RABEP2: variants seen among roughly 807,000 people sequenced by gnomAD.
RABEP2 encodes rabaptin, RAB GTPase binding effector protein 2, also known as rab GTPase-binding effector protein 2.
A neutral mutation model predicts 74.1 loss-of-function variants in RABEP2; 57 were observed. The observed-to-expected ratio is 0.77, with a 90% CI of 0.62 to 0.96. The LOEUF (loss-of-function observed/expected upper bound fraction) is 0.96. Among genes scored for constraint, RABEP2 ranks in the 40% least tolerant of loss-of-function variants. The pLI is 0.00. For missense variants in RABEP2, 692 were observed against 756.3 expected, an observed-to-expected ratio of 0.91 and a Z score of 1.00; for synonymous variants, 351 against 344.0, an observed-to-expected ratio of 1.02 and a Z score of -0.23.
intron 10 of RABEP2, 48 bp downstream of exon 10, chr16:28,905,819 C>G (rs1425345318): frequency 1.9e-6 from 3 of 1,613,848 alleles, no homozygotes; most frequent in Non-Finnish European, 2.5e-6. Context: ...CCCCACCTAG[C>G]CCAGCCAGGG....
chr16:28,918,526 A>G (rs1222857341), intron 3 of RABEP2, among the ~76,000 whole-genome samples: 1 of 151,898 alleles, frequency 6.6e-6, no homozygotes, highest in Non-Finnish European at 1.5e-5. Context: ...GAGGCAGGAG[A>G]ATCACTTGAA....
Position 28,924,649 on chromosome 16 carries a change from C to T in RABEP2, c.62-34G>A, listed in dbSNP as rs779197481. 5 of 1,583,916 alleles carry T rather than the reference C, an allele frequency of 3.2e-6. No homozygotes were observed. The East Asian group carries it at 1.1e-4, about 35-fold the overall frequency. The stretch of plus-strand genomic sequence containing the variant: ...GACAGGGATCAGCCTCTCTTCCCAT[C>T]TCTTACCCCAGGCCACCTACCGGCT... On this transcript the variant is annotated intron_variant, in intron 1 of 12. Transcript: ENST00000358201.
At chr16:28,908,183 C>T (rs1476690359) in intron 8 of RABEP2, among the ~76,000 whole-genome samples, 1 of 152,092 alleles carries the variant, frequency 6.6e-6, no homozygotes, top group African/African-American at 2.4e-5. Flanking sequence ...TCAAGTGATC[C>T]GCCCGCCTCA....
At position 28,905,420 on chromosome 16, in the gene RABEP2, C is replaced by G. The variant is rs774012300; in HGVS notation, c.1585G>C (p.Val529Leu). ...ETSEQVQRDF[V>L]RLSQALQVRL... is the part of the protein sequence containing the mutation. ...ACCTGCAGGGCCTGGGACAGTCGCACGAAATCCCTCTGCACCTGCTCACTG... is the reference window on the plus strand; with the variant it reads ...ACCTGCAGGGCCTGGGACAGTCGCAGGAAATCCCTCTGCACCTGCTCACTG... The change falls in exon 12 of 13, where the codon GTG (valine) becomes CTG (leucine). Residue 529 changes from valine to leucine, a missense_variant. Transcript: ENST00000358201. 1.9e-6 allele frequency: 3 copies of G among 1,606,760 alleles called. No individual in the cohort carries two copies. The highest frequency in any genetic ancestry group is 2.7e-5 in the African/African-American group (2 of 75,000).
At chr16:28,919,993 C>T in intron 2 of RABEP2, 50 bp from the exon 3 acceptor site, 3 of 1,518,956 alleles carry the variant, frequency 2.0e-6, no homozygotes, top group Non-Finnish European at 2.7e-6. Flanking sequence ...ATGAGCCAGC[C>T]CTGCCTGTGG....
intron 7 of RABEP2, chr16:28,910,658 T>C (rs772262050): frequency 1.0e-5 from 5 of 494,996 alleles, no homozygotes; most frequent in South Asian, 3.0e-5. Context: ...GCTGGGAGTC[T>C]GGGATTAGCT....
At chr16:28,920,073 G>A (rs1964450065) in intron 2 of RABEP2, 130 bp from the exon 3 acceptor site, 3 of 1,130,056 alleles carry the variant, frequency 2.7e-6, no homozygotes, top group African/African-American at 3.1e-5. Flanking sequence ...GCCATGGCAG[G>A]CTTTGCAGAA....
chr16:28,917,482 T>C (rs1157632242), intron 3 of RABEP2, among the ~76,000 whole-genome samples: 1 of 152,130 alleles, frequency 6.6e-6, no homozygotes, highest in East Asian at 1.9e-4. Context: ...TGCAGTGGTA[T>C]GATCTCGGCT....
At position 28,924,487 on chromosome 16, in the gene RABEP2, T is replaced by G; in HGVS notation, c.190A>C (p.Ser64Arg). 1 of 1,614,068 alleles carries G rather than the reference T, an allele frequency of 6.2e-7. No individual in the cohort carries two copies. The highest frequency in any genetic ancestry group is 1.3e-5 in the African/African-American group (1 of 75,052). ...METMKAVAEV[S>R]ESTKAEAVAA... ...ACAGCCTCGGCCTTCGTGCTCTCGC[T>G]CACCTCTGCCACAGCCTTCATGGTT... The change falls in exon 2 of 13, where the codon AGC (serine) becomes CGC (arginine). Residue 64 changes from serine (S) to arginine (R), a missense_variant. Physicochemically the swap from Ser to Arg is moderately radical, Grantham distance 110 (BLOSUM62 -1). Coordinates refer to ENST00000358201, the MANE Select transcript of RABEP2 (RefSeq NM_024816.3).
chr16:28,922,014 C>T (rs1272952451), intron 2 of RABEP2, among the ~76,000 whole-genome samples: 2 of 152,080 alleles, frequency 1.3e-5, no homozygotes, highest in Non-Finnish European at 2.9e-5. Flanking sequence ...CTCTGTCACC[C>T]AGGCTGGAGT....
intron 3 of RABEP2, among the ~76,000 whole-genome samples, chr16:28,916,917 G>A (rs1266409244): frequency 6.7e-6 from 1 of 150,124 alleles, no homozygotes; most frequent in Non-Finnish European, 1.5e-5. Context: ...CAGGACCTGG[G>A]TGCAGAGGTT....
rs1398413326 is a variant in RABEP2, at chr16:28,905,770, A to G, written c.1436-11T>C. 6.2e-7 allele frequency: 1 copy of G among 1,613,950 alleles called. No individual in the cohort carries two copies. On this transcript the variant is annotated splice_polypyrimidine_tract_variant and intron_variant, in intron 10 of 12. Transcript: ENST00000358201. Reference sequence around the variant, plus strand: ...GGCTGCACAGGGAGGCTGGGAAGTCAGGGCAGGGGGAGACGTCAGGGCCAT... The same window carrying G: ...GGCTGCACAGGGAGGCTGGGAAGTCGGGGCAGGGGGAGACGTCAGGGCCAT...
In RABEP2 at chr16:28,924,436, C is replaced by T; in HGVS notation, c.241G>A (p.Glu81Lys). 6.2e-7 allele frequency: 1 copy of T among 1,613,666 alleles called. No individual in the cohort carries two copies. Among genetic ancestry groups the T allele is most frequent in the Non-Finnish European group, 8.5e-7 (1 of 1,180,010 alleles). Residue 81 changes from glutamate (E) to lysine (K), a missense_variant, in exon 2 of 13, where the codon GAG (glutamate) becomes AAG (lysine). Physicochemically the swap from Glu to Lys is moderately conservative, Grantham distance 56 (BLOSUM62 1). Transcript: ENST00000358201. Reference sequence around the variant, plus strand: ...ATGGCCTGCAGCGAGGCCACCTCCTCTTGGCACTGCCGCTGCACCGCAGCC... The same window carrying T: ...ATGGCCTGCAGCGAGGCCACCTCCTTTTGGCACTGCCGCTGCACCGCAGCC... Reference protein sequence around the residue: ...AVAAVQRQCQEEVASLQAILK... With the variant: ...AVAAVQRQCQKEVASLQAILK...
intron 7 of RABEP2, 86 bp downstream of exon 7, chr16:28,910,802 G>T: frequency 8.2e-7 from 1 of 1,212,622 alleles, no homozygotes; most frequent in Non-Finnish European, 1.2e-6. Context: ...CAGGTTCCTT[G>T]ACTTCCCACG....
intron 3 of RABEP2, among the ~76,000 whole-genome samples, chr16:28,919,474 A>G (rs550753250): frequency 3.3e-5 from 5 of 152,368 alleles, no homozygotes; most frequent in African/African-American, 1.2e-4. Flanking sequence ...TATTACCAAG[A>G]GGTAATGTAC....
At position 28,914,652 on chromosome 16, in the gene RABEP2, C is replaced by T; in HGVS notation, c.543+20G>A. On this transcript the variant is annotated intron_variant, in intron 4 of 12. Transcript: ENST00000358201. ...CTCTGGCACCCCTCCTTCCCCAGCGCCCCCTGGCCGTGCCCTCACCTGGAT... is the reference window on the plus strand; with the variant it reads ...CTCTGGCACCCCTCCTTCCCCAGCGTCCCCTGGCCGTGCCCTCACCTGGAT... 1 of 1,613,124 alleles carries T rather than the reference C, an allele frequency of 6.2e-7. No individual in the cohort carries two copies. The highest frequency in any genetic ancestry group is 1.7e-4 in the Middle Eastern group (1 of 6,056).
At position 28,908,728 on chromosome 16, in the gene RABEP2, C is replaced by T. The variant is rs377506516; in HGVS notation, c.1126G>A (p.Glu376Lys). The T allele has an allele frequency of 2.5e-6, 4 of 1,614,098 alleles. No individual in the cohort carries two copies. The highest frequency in any genetic ancestry group is 2.2e-5 in the East Asian group (1 of 44,894). ...TTTTCCTCATTCAACCGCTTTACCT[C>T]ATGGTGCAGGCACTTGTGGGTGGTG... The part of the protein sequence containing the change: ...LVTTHKCLHH[E>K]VKRLNEENQG... The change falls in exon 8 of 13, where the codon GAG (glutamate) becomes AAG (lysine). Residue 376 changes from glutamate (E) to lysine (K), a missense_variant. Coordinates refer to ENST00000358201, the MANE Select transcript of RABEP2 (RefSeq NM_024816.3).
Position 28,910,962 on chromosome 16 carries a change from G to A in RABEP2, c.1015C>T (p.Gln339Ter), listed in dbSNP as rs1964303592. Reference protein sequence around the residue: ...KQMQVLLAQVQNSEQLLRTLQ... With the variant: ...KQMQVLLAQV ...GTCCGCAGCAGCTGCTCTGAGTTCTGGACCTGGGCCAGGAGCACCTGCATC... is the reference window on the plus strand; with the variant it reads ...GTCCGCAGCAGCTGCTCTGAGTTCTAGACCTGGGCCAGGAGCACCTGCATC... The change falls in exon 7 of 13, where the codon CAG becomes TAG. Residue 339 changes from glutamine to a stop codon, truncating the protein, a stop_gained. Coordinates refer to ENST00000358201, the MANE Select transcript of RABEP2 (RefSeq NM_024816.3). LOFTEE classifies it high-confidence loss of function. 8 of 1,612,556 alleles carry A rather than the reference G, an allele frequency of 5.0e-6. No homozygotes were observed. Among genetic ancestry groups the A allele is most frequent in the Non-Finnish European group, 6.8e-6 (8 of 1,179,110 alleles).
chr16:28,914,235 C>A lies in RABEP2; in HGVS notation c.894+1G>T, dbSNP rs1964353585. On this transcript the variant is annotated splice_donor_variant, in intron 5 of 12. Transcript: ENST00000358201. LOFTEE classifies it high-confidence loss of function. ...CCCGCCACCCTGCCCACAACACTCA[C>A]CTCTGTCTGCAGCTGCTCCCACTGA... 3 of 1,591,654 alleles carry A rather than the reference C, an allele frequency of 1.9e-6. No individual in the cohort carries two copies. Among genetic ancestry groups the A allele is most frequent in the Non-Finnish European group, 2.6e-6 (3 of 1,169,744 alleles).
Sources: allele counts gnomAD v4.1 joint callset (sites outside exome capture counted in the v4.1 genomes callset), GRCh38; gene constraint gnomAD v4.1.1; transcripts MANE v1.5; gene names NCBI Gene and HGNC (gene_info 2026-07-23, HGNC 2026-07-21).